Variants in PALS1 observed in about 807,000 individuals in gnomAD.
PALS1 encodes protein associated with LIN7 1, MAGUK p55 family member.
A neutral mutation model predicts 78.9 loss-of-function variants in PALS1; 31 were observed. The ratio of observed to expected loss-of-function variants is 0.39; its 90% confidence interval spans 0.30 to 0.53. The LOEUF is 0.53. Among genes scored for constraint, PALS1 ranks in the 20% least tolerant of loss-of-function variants. PALS1 has a pLI of 0.67. For synonymous variants in PALS1, 276 were observed against 270.9 expected, an observed-to-expected ratio of 1.02 and a Z score of -0.18; for missense variants, 704 against 826.5, an observed-to-expected ratio of 0.85 and a Z score of 1.82.
At chr14:67,247,591 T>G (rs902141089) in intron 1 of PALS1, among the ~76,000 whole-genome samples, 2 of 152,186 alleles carry the variant, frequency 1.3e-5, no homozygotes, top group Non-Finnish European at 2.9e-5. Flanking sequence ...GTTCACTTTT[T>G]TTTTTTAAGA....
intron 9 of PALS1, among the ~76,000 whole-genome samples, chr14:67,314,216 C>T (rs2085135545): frequency 6.6e-6 from 1 of 151,658 alleles, no homozygotes; most frequent in Admixed American, 6.6e-5. Context: ...AAAAAAAAGA[C>T]TGAGAAATAT....
At chr14:67,262,083 C>G (rs1364781383) in intron 1 of PALS1, among the ~76,000 whole-genome samples, 1 of 152,122 alleles carries the variant, frequency 6.6e-6, no homozygotes, top group East Asian at 1.9e-4. Context: ...AGCTATGTGA[C>G]TTAACTTTCA....
At chr14:67,262,925 A>C (rs1214087493) in intron 1 of PALS1, among the ~76,000 whole-genome samples, 1 of 152,194 alleles carries the variant, frequency 6.6e-6, no homozygotes, top group Non-Finnish European at 1.5e-5. Context: ...GCCAGTTTGA[A>C]AATGTTATAA....
intron 3 of PALS1, among the ~76,000 whole-genome samples, chr14:67,280,907 T>C (rs1464767781): frequency 1.4e-5 from 2 of 147,122 alleles, no homozygotes; most frequent in African/African-American, 2.5e-5. Flanking sequence ...TTCTTTCTTT[T>C]TTTTTTTGAG....
rs952777351 is a variant in PALS1 at position 67,334,953 on chromosome 14, A to G, written c.*1997A>G. The G allele has an allele frequency of 6.6e-6, 1 of 152,206 alleles. No individual in the cohort carries two copies. Among genetic ancestry groups the G allele is most frequent in the Non-Finnish European group, 1.5e-5 (1 of 68,032 alleles). The allele number at this position is 152,206 out of a possible 1,614,324, so 9.4% of individuals were successfully genotyped here. ...GCTAAACTATTGGCAGTTCATGTTA[A>G]GTTAGAGTGAGGGTGTAGGTAGTGT... is the stretch of plus-strand genomic sequence containing the variant. On this transcript the variant is annotated 3_prime_UTR_variant, in exon 15 of 15. Coordinates refer to ENST00000261681, the MANE Select transcript of PALS1 (RefSeq NM_022474.4).
At chr14:67,314,705 A>G (rs73282776) in intron 9 of PALS1, among the ~76,000 whole-genome samples, 23,565 of 152,228 alleles carry the variant, frequency 0.15, 3,446 homozygotes, top group East Asian at 0.42. Context: ...ATAGATTCCA[A>G]TGATGACATT....
At chr14:67,307,841 T>A (rs933292868) in intron 8 of PALS1, among the ~76,000 whole-genome samples, 1 of 152,216 alleles carries the variant, frequency 6.6e-6, no homozygotes, top group African/African-American at 2.4e-5. Context: ...TAAATGCCCA[T>A]CGATGATAGA....
At chr14:67,277,637 T>G (rs1393273859) in intron 2 of PALS1, among the ~76,000 whole-genome samples, 1 of 152,206 alleles carries the variant, frequency 6.6e-6, no homozygotes, top group African/African-American at 2.4e-5. Flanking sequence ...TGTGTGGGTT[T>G]ACACATATGT....
At chr14:67,292,476 A>T (rs749102354) in intron 3 of PALS1, 35 bp from the exon 4 acceptor site, 32 of 1,389,342 alleles carry the variant, frequency 2.3e-5, no homozygotes, top group Non-Finnish European at 3.3e-5. Flanking sequence ...ATACTGAAAC[A>T]GTTAATTTTT....
At chr14:67,255,099 G>A (rs2084125799) in intron 1 of PALS1, among the ~76,000 whole-genome samples, 1 of 152,026 alleles carries the variant, frequency 6.6e-6, no homozygotes, top group Admixed American at 6.5e-5. Flanking sequence ...CAGTGAGCCA[G>A]GATTGTGCCA....
chr14:67,333,102 G>C lies in PALS1; in HGVS notation c.*146G>C, dbSNP rs889476474. Reference sequence around the variant, plus strand: ...CTGTTCTTAGATCTCTTGAATTAGTGAGACGACAGTTCCCTTAGGCAGTTT... The same window carrying C: ...CTGTTCTTAGATCTCTTGAATTAGTCAGACGACAGTTCCCTTAGGCAGTTT... On this transcript the variant is annotated 3_prime_UTR_variant, in exon 15 of 15. Transcript: ENST00000261681. 5 of 655,900 alleles carry C rather than the reference G, an allele frequency of 7.6e-6. No individual in the cohort carries two copies. In the African/African-American group the frequency reaches 9.2e-5, roughly 12 times the overall value. The allele number at this position is 655,900 out of a possible 1,614,324, so 40.6% of individuals were successfully genotyped here.
intron 1 of PALS1, among the ~76,000 whole-genome samples, chr14:67,254,819 T>G (rs1356230433): frequency 2.6e-5 from 4 of 152,188 alleles, no homozygotes; most frequent in Non-Finnish European, 5.9e-5. Flanking sequence ...GGAACATAAT[T>G]TTTTCTCTAG....
chr14:67,299,594 AG>A (rs1249208299), intron 4 of PALS1, among the ~76,000 whole-genome samples: 9 of 152,250 alleles, frequency 5.9e-5, no homozygotes, highest in Admixed American at 5.9e-4. Context: ...GTATTTTTAT[AG>A]GCCAATGGAA....
At chr14:67,267,510 CAAAGTGCTGGGATTAT>C (rs554682389) in intron 1 of PALS1, among the ~76,000 whole-genome samples, 244 of 152,194 alleles carry the variant, frequency 1.6e-3, no homozygotes, top group African/African-American at 5.6e-3. Context: ...CTTGGCCTCC[CAAAGTGCTGGGATTAT>C]AGGCATGAGC....
Position 67,329,244 on chromosome 14 carries a change from G to C in PALS1, c.1852-3536G>C, listed in dbSNP as rs568566062. Reference sequence around the variant, plus strand: ...ATTTTATTCTCTTTGTAGCAATTGTGAATGGGAGTTCACTCATGATTTGGC... The same window carrying C: ...ATTTTATTCTCTTTGTAGCAATTGTCAATGGGAGTTCACTCATGATTTGGC... On this transcript the variant is annotated intron_variant, in intron 14 of 14. Coordinates refer to ENST00000261681, the MANE Select transcript of PALS1 (RefSeq NM_022474.4). Among the ~76,000 whole-genome samples, 367 of 152,272 alleles carry C rather than the reference G, an allele frequency of 2.4e-3. 1 individual carries two copies. The highest frequency in any genetic ancestry group is 3.4e-3 in the Non-Finnish European group (234 of 68,024).
chr14:67,295,302 T>G (rs1441851298), intron 4 of PALS1, among the ~76,000 whole-genome samples: 1 of 151,564 alleles, frequency 6.6e-6, no homozygotes, highest in Admixed American at 6.6e-5. Flanking sequence ...CTGGCCAACA[T>G]GGTGAAACCT....
At chr14:67,286,258 C>G (rs2084685405) in intron 3 of PALS1, among the ~76,000 whole-genome samples, 1 of 152,154 alleles carries the variant, frequency 6.6e-6, no homozygotes, top group South Asian at 2.1e-4. Flanking sequence ...TCTCACTAGC[C>G]TTGTGGTTCT....
chr14:67,327,230 A>G (rs1467493119), intron 14 of PALS1, among the ~76,000 whole-genome samples: 1 of 152,198 alleles, frequency 6.6e-6, no homozygotes, highest in Non-Finnish European at 1.5e-5. Context: ...AAACATTCAT[A>G]AAGTCTTTTT....
At chr14:67,254,998 A>C (rs1432801017) in intron 1 of PALS1, among the ~76,000 whole-genome samples, 1 of 152,122 alleles carries the variant, frequency 6.6e-6, no homozygotes, top group Non-Finnish European at 1.5e-5. Flanking sequence ...AAAATACAAA[A>C]ATTAGCTGGG....
Sources: allele counts gnomAD v4.1 joint callset (sites outside exome capture counted in the v4.1 genomes callset), GRCh38; gene constraint gnomAD v4.1.1; transcripts MANE v1.5; gene names NCBI Gene and HGNC (gene_info 2026-07-23, HGNC 2026-07-21).